The following ITGA8 variants were observed in gnomAD, a reference collection of about 807,000 sequenced individuals.
ITGA8 encodes the protein integrin subunit alpha 8.
ITGA8 carries 91 observed loss-of-function variants against 142.3 expected under a neutral mutation model. That is an observed-to-expected ratio of 0.64 (90% CI 0.54 to 0.76). The LOEUF is 0.76. Ranked by LOEUF, ITGA8 falls within the 30% of genes least tolerant of loss-of-function variation. The probability of loss-of-function intolerance (pLI) is 0.00; values close to 1 mark genes in which losing one functional copy is unlikely to be tolerated. For missense variants in ITGA8, 1,406 were observed against 1,327.7 expected (o/e 1.06, Z -0.92); for synonymous variants, 505 against 485.2 (o/e 1.04, Z -0.54).
At chr10:15,714,124 G>A (rs963578485) in intron 2 of ITGA8, among the ~76,000 whole-genome samples, 1 of 152,068 alleles carries the variant, frequency 6.6e-6, no homozygotes, top group Non-Finnish European at 1.5e-5. Flanking sequence ...TTTTACTTGA[G>A]CATTTAAAAC....
At chr10:15,645,596 G>A (rs1382479470) in intron 12 of ITGA8, among the ~76,000 whole-genome samples, 1 of 152,082 alleles carries the variant, frequency 6.6e-6, no homozygotes, top group Non-Finnish European at 1.5e-5. Flanking sequence ...ATGTTGCTGA[G>A]AACTTTTTTT....
intron 28 of ITGA8, among the ~76,000 whole-genome samples, chr10:15,526,216 G>A (rs1052526084): frequency 3.3e-5 from 5 of 150,400 alleles, no homozygotes; most frequent in South Asian, 2.1e-4. Context: ...TGCTGTTATC[G>A]CCCAGGCTGG....
intron 21 of ITGA8, among the ~76,000 whole-genome samples, chr10:15,594,594 CCAACATGGTGAAA>C: frequency 6.6e-6 from 1 of 152,018 alleles, no homozygotes; most frequent in Admixed American, 6.6e-5. Context: ...ACCGGCCTGG[CCAACATGGTGAAA>C]CCCCATCTCT....
chr10:15,650,815 T>C (rs1029115492), intron 11 of ITGA8, among the ~76,000 whole-genome samples: 2 of 152,154 alleles, frequency 1.3e-5, no homozygotes. Context: ...TAGTGGACTA[T>C]ATAGTAAATA....
intron 8 of ITGA8, among the ~76,000 whole-genome samples, chr10:15,669,154 A>T (rs1358694385): frequency 6.6e-6 from 1 of 152,208 alleles, no homozygotes; most frequent in Non-Finnish European, 1.5e-5. Flanking sequence ...TTTCAGGCAC[A>T]CCAATCAGAT....
intron 20 of ITGA8, among the ~76,000 whole-genome samples, chr10:15,602,729 C>A (rs1310752157): frequency 7.0e-5 from 10 of 142,118 alleles, no homozygotes; most frequent in Admixed American, 7.0e-4. Flanking sequence ...CAGAGCAAGA[C>A]CCTGTCTCAA....
rs1397508163 is a variant in ITGA8, at chr10:15,671,785, C to G, written c.803-138G>C. 1.5e-5 allele frequency: 8 copies of G among 520,012 alleles called. No individual in the cohort carries two copies. In the East Asian group the frequency reaches 3.3e-4, roughly 21 times the overall value. 32.2% of individuals were successfully genotyped at this position (520,012 alleles called of 1,614,324 possible). A position where few individuals can be genotyped will look rare whatever the true frequency, so the allele number is the denominator to read the frequency against. On this transcript the variant is annotated intron_variant, in intron 7 of 29. Transcript: ENST00000378076. ...ACAAATATTATAAAAGTTAAAGATT[C>G]TATAAAGGGAAAAATTAATCACACC...
chr10:15,671,405 A>T (rs1178622021), intron 8 of ITGA8, among the ~76,000 whole-genome samples, 198 bp downstream of exon 8: 1 of 152,210 alleles, frequency 6.6e-6, no homozygotes. Context: ...TATAAAGTTG[A>T]TATTCATTCT....
At chr10:15,618,404 AG>A (rs1833432429) in intron 13 of ITGA8, among the ~76,000 whole-genome samples, 1 of 152,252 alleles carries the variant, frequency 6.6e-6, no homozygotes. Context: ...AAACTAAGTC[AG>A]GAATTAAATT....
chr10:15,677,745 A>C, intron 5 of ITGA8, 108 bp from the exon 6 acceptor site: 3 of 1,031,434 alleles, frequency 2.9e-6, no homozygotes, highest in Non-Finnish European at 4.3e-6. Context: ...AATTTGTTAC[A>C]CATAAAAAGC....
chr10:15,658,797 C>T (rs534795622), intron 10 of ITGA8, among the ~76,000 whole-genome samples: 4 of 152,168 alleles, frequency 2.6e-5, no homozygotes, highest in African/African-American at 9.7e-5. Flanking sequence ...CCTCTCCCTC[C>T]CCTGCCACCT....
rs1832925593 is a variant in ITGA8 at position 15,514,319 on chromosome 10, G to A, written c.*2839C>T. 6.6e-6 allele frequency: 1 copy of A among 152,184 alleles called. No individual in the cohort carries two copies. The highest frequency in any genetic ancestry group is 2.1e-4 in the South Asian group (1 of 4,826). The allele number at this position is 152,184 out of a possible 1,614,324, so 9.4% of individuals were successfully genotyped here. On this transcript the variant is annotated 3_prime_UTR_variant, in exon 30 of 30. Transcript: ENST00000378076. ...CTGTCGTCAGTATGTTCTCTGGGCAGAACGGATTGCTGGAAGGTTTGCCTG... is the reference window on the plus strand; with the variant it reads ...CTGTCGTCAGTATGTTCTCTGGGCAAAACGGATTGCTGGAAGGTTTGCCTG...
intron 15 of ITGA8, among the ~76,000 whole-genome samples, chr10:15,612,452 T>C (rs1833315429): frequency 6.6e-6 from 1 of 152,184 alleles, no homozygotes; most frequent in Non-Finnish European, 1.5e-5. Context: ...GGGCAAAATA[T>C]TAAACACCCC....
intron 27 of ITGA8, among the ~76,000 whole-genome samples, chr10:15,536,870 T>C (rs1255148758): frequency 6.6e-6 from 1 of 152,220 alleles, no homozygotes; most frequent in Non-Finnish European, 1.5e-5. Flanking sequence ...TGTCAGGCAA[T>C]GACACAAGCT....
chr10:15,645,626 C>T (rs1243682353), intron 12 of ITGA8, among the ~76,000 whole-genome samples: 1 of 152,086 alleles, frequency 6.6e-6, no homozygotes, highest in Non-Finnish European at 1.5e-5. Flanking sequence ...TGTAAGAGAA[C>T]AGAAACATTG....
At chr10:15,672,473 AAAAAG>A (rs1311425104) in intron 7 of ITGA8, 146 bp downstream of exon 7, 8 of 953,684 alleles carry the variant, frequency 8.4e-6, no homozygotes, top group Non-Finnish European at 9.3e-6. Flanking sequence ...TAGCAGTATT[AAAAAG>A]AAAAGAAAAA....
At chr10:15,679,642 T>C (rs1834698966) in intron 4 of ITGA8, among the ~76,000 whole-genome samples, 1 of 152,214 alleles carries the variant, frequency 6.6e-6, no homozygotes, top group Admixed American at 6.5e-5. Context: ...ATTGGGAAAT[T>C]GCATTTCTGG....
intron 23 of ITGA8, among the ~76,000 whole-genome samples, chr10:15,583,835 G>A (rs936994363): frequency 3.3e-5 from 5 of 152,216 alleles, no homozygotes; most frequent in Admixed American, 2.0e-4. Flanking sequence ...TTTACTTTAT[G>A]TAATTTACAT....
At chr10:15,520,271 G>C (rs1029864704) in intron 28 of ITGA8, among the ~76,000 whole-genome samples, 2 of 152,040 alleles carry the variant, frequency 1.3e-5, no homozygotes, top group African/African-American at 2.4e-5. Context: ...AAATTAGCTG[G>C]GTGTGGTGGC....
Sources: allele counts gnomAD v4.1 joint callset (sites outside exome capture counted in the v4.1 genomes callset), GRCh38; gene constraint gnomAD v4.1.1; transcripts MANE v1.5; gene names NCBI Gene and HGNC (gene_info 2026-07-23, HGNC 2026-07-21).